The following ANO1 variants were observed in gnomAD, a reference collection of about 807,000 sequenced individuals.
The protein encoded by ANO1 is anoctamin-1.
In ANO1, 59 loss-of-function variants were observed where a neutral mutation model predicts 124.0. That is an observed-to-expected ratio of 0.48 (90% CI 0.39 to 0.59). The LOEUF is 0.59. ANO1 is among the 20% of genes least tolerant of loss of function. The probability of loss-of-function intolerance (pLI) is 0.00; values close to 1 mark genes in which losing one functional copy is unlikely to be tolerated. For missense variants in ANO1, 1,059 were observed against 1,328.0 expected (o/e 0.80, Z 3.15); for synonymous variants, 529 against 532.0 (o/e 0.99, Z 0.08).
intron 1 of ANO1, among the ~76,000 whole-genome samples, chr11:70,013,967 T>C (rs1856650816): frequency 6.6e-6 from 1 of 151,460 alleles, no homozygotes; most frequent in South Asian, 2.1e-4. Context: ...ACCTCCTCCT[T>C]GGGTCTTCAC....
the ANO1 span, among the ~76,000 whole-genome samples, chr11:69,972,883 C>T: frequency 6.6e-6 from 1 of 150,778 alleles, no homozygotes; most frequent in South Asian, 2.1e-4. Flanking sequence ...CCCTATCTGG[C>T]ATTTTTTTTT....
chr11:70,066,171 GAA>G (rs1291241808), intron 1 of ANO1, among the ~76,000 whole-genome samples: 2 of 152,344 alleles, frequency 1.3e-5, no homozygotes, highest in African/African-American at 4.8e-5. Flanking sequence ...TTGTGTGAAT[GAA>G]AGAGTGACAG....
At chr11:70,006,902 T>C (rs1335679990) in intron 1 of ANO1, among the ~76,000 whole-genome samples, 2 of 152,054 alleles carry the variant, frequency 1.3e-5, no homozygotes, top group Non-Finnish European at 2.9e-5. Context: ...ACTCCTGACT[T>C]CAGGTGATCC....
chr11:70,167,484 A>C (rs1590905860), intron 21 of ANO1, 97 bp downstream of exon 21: 1 of 1,445,254 alleles, frequency 6.9e-7, no homozygotes, highest in Non-Finnish European at 9.3e-7. Context: ...GATGCCCCCA[A>C]CCCTGCGGTG....
chr11:69,981,908 CAT>C (rs1554996255), upstream of ANO1, among the ~76,000 whole-genome samples: 2 of 152,144 alleles, frequency 1.3e-5, no homozygotes, highest in Admixed American at 6.5e-5. Flanking sequence ...AAACTCCAAA[CAT>C]AATGAAAGAA....
intron 1 of ANO1, among the ~76,000 whole-genome samples, chr11:70,052,952 T>G (rs1555006442): frequency 6.6e-6 from 1 of 152,200 alleles, no homozygotes; most frequent in South Asian, 2.1e-4. Context: ...CTTAGTAATG[T>G]TTGGTGATTT....
chr11:69,977,100 C>T, the ANO1 span, among the ~76,000 whole-genome samples: 4 of 152,186 alleles, frequency 2.6e-5, no homozygotes, highest in Admixed American at 6.5e-5. Flanking sequence ...AGCAGGGAGG[C>T]GGCCAACCAG....
chr11:69,999,706 C>T (rs1856345311), intron 1 of ANO1, among the ~76,000 whole-genome samples: 1 of 152,210 alleles, frequency 6.6e-6, no homozygotes, highest in Admixed American at 6.5e-5. Context: ...CTGTCACTTA[C>T]TAAGTGCTCA....
chr11:70,165,276 C>T, intron 19 of ANO1, 194 bp from the exon 20 acceptor site: 1 of 597,164 alleles, frequency 1.7e-6, no homozygotes, highest in South Asian at 2.0e-5. Context: ...CATGAAAACA[C>T]CCTGACTTGA....
At position 70,125,145 on chromosome 11, in the gene ANO1, C is replaced by T. The variant is rs574647269; in HGVS notation, c.962+731C>T. Among the ~76,000 whole-genome samples the T allele has an allele frequency of 8.6e-5, 13 of 151,776 alleles. No homozygotes were observed. The East Asian group carries it at 2.4e-3, about 27-fold the overall frequency. ...ATTACTTGAGGTCAGGAGTTCGAGACCAGCCTGGCCAACATGGTGAAACCC... is the reference window on the plus strand; with the variant it reads ...ATTACTTGAGGTCAGGAGTTCGAGATCAGCCTGGCCAACATGGTGAAACCC... On this transcript the variant is annotated intron_variant, in intron 9 of 25. Coordinates refer to ENST00000355303, the MANE Select transcript of ANO1 (RefSeq NM_018043.7).
chr11:70,076,837 C>T (rs1430047805), upstream of ANO1, among the ~76,000 whole-genome samples: 4 of 152,240 alleles, frequency 2.6e-5, no homozygotes, highest in Non-Finnish European at 1.5e-5. Flanking sequence ...ATGGGAGAGT[C>T]TCACTGAGGC....
At chr11:69,981,407 G>A (rs565166434), upstream of ANO1, among the ~76,000 whole-genome samples, 5 of 152,336 alleles carry the variant, frequency 3.3e-5, no homozygotes, top group South Asian at 4.1e-4. Flanking sequence ...TTTATTAAGC[G>A]CTTGGAACGG....
At chr11:70,178,551 G>A (rs971099938) in intron 22 of ANO1, among the ~76,000 whole-genome samples, 11 of 144,436 alleles carry the variant, frequency 7.6e-5, no homozygotes, top group African/African-American at 2.8e-4. Context: ...GCAATGGGTT[G>A]CAGTGGGTAT....
intron 1 of ANO1, among the ~76,000 whole-genome samples, chr11:70,063,106 T>C (rs1359184334): frequency 6.6e-6 from 1 of 152,058 alleles, no homozygotes; most frequent in African/African-American, 2.4e-5. Context: ...ATTTTTGTAT[T>C]TTTTAGTAGA....
At chr11:70,165,089 G>A (rs563013007) in intron 19 of ANO1, among the ~76,000 whole-genome samples, 1 of 152,150 alleles carries the variant, frequency 6.6e-6, no homozygotes, top group East Asian at 1.9e-4. Flanking sequence ...GGTTCTAGGG[G>A]AGGACCTGCC....
At chr11:69,974,791 G>A in the ANO1 span, among the ~76,000 whole-genome samples, 1 of 152,104 alleles carries the variant, frequency 6.6e-6, no homozygotes, top group Non-Finnish European at 1.5e-5. Context: ...CTTCCGGGCA[G>A]GAGAGCTCTG....
chr11:70,152,996 C>T (rs901856424), intron 13 of ANO1, 61 bp from the exon 14 acceptor site: 41 of 1,474,170 alleles, frequency 2.8e-5, no homozygotes, highest in Admixed American at 7.8e-5. Flanking sequence ...AGTATGCTCA[C>T]GCTGAGGAGC....
chr11:70,014,491 C>T (rs1243131423), intron 1 of ANO1, among the ~76,000 whole-genome samples: 2 of 152,176 alleles, frequency 1.3e-5, no homozygotes, highest in African/African-American at 2.4e-5. Context: ...AGTTCACTCA[C>T]CGTCACTGCC....
intron 1 of ANO1, among the ~76,000 whole-genome samples, chr11:70,068,279 C>T (rs956996122): frequency 6.6e-6 from 1 of 152,164 alleles, no homozygotes; most frequent in Non-Finnish European, 1.5e-5. Flanking sequence ...TTGGTTGAAT[C>T]GGGTAAAAAT....
Sources: gnomAD v4.1 joint callset for allele counts (sites outside exome capture counted in the v4.1 genomes callset) on GRCh38, gnomAD v4.1.1 for gene constraint, MANE v1.5 for transcripts, NCBI Gene and HGNC (gene_info 2026-07-23, HGNC 2026-07-21) for gene names.